Variants in POLR2F observed in about 807,000 individuals in gnomAD.
POLR2F encodes the protein DNA-directed RNA polymerases I, II, and III subunit RPABC2.
POLR2F carries 12 observed loss-of-function variants against 22.7 expected under a neutral mutation model. That is an observed-to-expected ratio of 0.53 (90% CI 0.34 to 0.86). The LOEUF (loss-of-function observed/expected upper bound fraction) is 0.86, where lower values mean the gene tolerates loss of function less well. POLR2F is among the 40% of genes least tolerant of loss of function. The pLI, the probability that POLR2F is intolerant of heterozygous loss-of-function variation, is 0.02. For synonymous variants in POLR2F, 57 were observed against 66.0 expected, an observed-to-expected ratio of 0.86 and a Z score of 0.66; for missense variants, 126 against 171.5, an observed-to-expected ratio of 0.73 and a Z score of 1.48.
Position 37,966,785 on chromosome 22 carries a change from A to G in POLR2F, c.222-314A>G, listed in dbSNP as rs1453521078. The stretch of plus-strand genomic sequence containing the variant: ...TGTCTCCAAAAAGTAGAGAGAGAAA[A>G]TAGAAATTGAAATGAGGTGCACTGG... On this transcript the variant is annotated intron_variant, in intron 3 of 4. Transcript: ENST00000442738. 7.2e-5 allele frequency among the ~76,000 whole-genome samples: 11 copies of G among 152,244 alleles called. No homozygotes were observed. The East Asian group carries it at 9.7e-4, about 13-fold the overall frequency.
chr22:38,037,087 T>C (rs948657570), intron 5 of POLR2F, among the ~76,000 whole-genome samples: 2 of 152,200 alleles, frequency 1.3e-5, no homozygotes, highest in African/African-American at 4.8e-5. Context: ...ACTTGTATAC[T>C]ATGCATCTTC....
At chr22:37,971,884 G>A (rs1353851200), downstream of POLR2F, among the ~76,000 whole-genome samples, 1 of 152,022 alleles carries the variant, frequency 6.6e-6, no homozygotes, top group Admixed American at 6.5e-5. Flanking sequence ...AGTTAAGAGT[G>A]AGTGGCCCCC....
chr22:37,970,340 C>T (rs1601875675), downstream of POLR2F, among the ~76,000 whole-genome samples: 1 of 147,818 alleles, frequency 6.8e-6, no homozygotes, highest in East Asian at 2.0e-4. Context: ...CGGTGGCTTA[C>T]GCCTGTAATC....
chr22:37,983,589 C>T (rs1932470883), upstream of POLR2F: 1 of 1,609,442 alleles, frequency 6.2e-7, no homozygotes, highest in Non-Finnish European at 8.5e-7. This position sits in a 1 kb window ranked among gnomAD's most constrained non-coding sequence, Gnocchi z 9.5. Context: ...GGGAACTTGT[C>T]ATCGTCCGCC....
At chr22:38,025,929 C>T (rs939550771) in exon 2 of POLR2F, 2 of 697,336 alleles carry the variant, frequency 2.9e-6, no homozygotes, top group Non-Finnish European at 5.4e-6. Flanking sequence ...GAGCGCTCAA[C>T]AGATGCTCTG....
rs1181369399 is a variant in POLR2F, at chr22:38,016,652, G to T, written c.121-9217G>T. ...CTCTATTGTGTTCCTGGTTTATCTG[G>T]TTCCTCTTGTTTATGAGCAGGGCTC... On this transcript the variant is annotated intron_variant, in intron 1 of 2. Transcript: ENST00000333418. This position sits in a 1 kb window ranked among gnomAD's most constrained non-coding sequence, Gnocchi z 4.4. Among the ~76,000 whole-genome samples the T allele has an allele frequency of 6.6e-6, 1 of 150,386 alleles. No individual in the cohort carries two copies. Among genetic ancestry groups the T allele is most frequent in the Non-Finnish European group, 1.5e-5 (1 of 67,758 alleles).
chr22:37,989,742 G>GGTT (rs1004976017), intron 1 of POLR2F, among the ~76,000 whole-genome samples: 15 of 152,222 alleles, frequency 9.9e-5, no homozygotes, highest in African/African-American at 3.1e-4. Flanking sequence ...TGGGACCTGT[G>GGTT]GTTGGTCCCA....
At chr22:38,013,682 C>G (rs371086834) in intron 1 of POLR2F, among the ~76,000 whole-genome samples, 3 of 152,310 alleles carry the variant, frequency 2.0e-5, no homozygotes, top group East Asian at 1.9e-4. Context: ...TCACCTCATT[C>G]TCTCTCCACA....
chr22:38,038,784 T>G (rs1428543299), intron 5 of POLR2F, among the ~76,000 whole-genome samples: 1 of 23,718 alleles, frequency 4.2e-5, no homozygotes, highest in Non-Finnish European at 9.2e-5. Flanking sequence ...CCAAACTCCC[T>G]CCTCCCCCCG....
At chr22:37,984,068 C>T (rs760477820), upstream of POLR2F, 9 of 260,688 alleles carry the variant, frequency 3.5e-5, no homozygotes, top group Non-Finnish European at 5.8e-5. The surrounding 1 kb of genome is among the most constrained non-coding windows in gnomAD (Gnocchi z 4.4). Context: ...TCCCAACCGT[C>T]TCTTGGTGTG....
chr22:37,983,746 G>C (rs1228706802), upstream of POLR2F: 1 of 1,486,100 alleles, frequency 6.7e-7, no homozygotes, highest in South Asian at 1.2e-5. The surrounding 1 kb of genome is among the most constrained non-coding windows in gnomAD (Gnocchi z 9.5). Flanking sequence ...AGCCCACGGG[G>C]CTCAGCTCCA....
intron 1 of POLR2F, among the ~76,000 whole-genome samples, chr22:38,012,529 T>C (rs1034199407): frequency 2.6e-5 from 4 of 152,242 alleles, no homozygotes; most frequent in African/African-American, 9.6e-5. Context: ...TTAACATTGG[T>C]AAAATACTAT....
At chr22:37,992,544 A>G (rs963956566) in intron 1 of POLR2F, among the ~76,000 whole-genome samples, 1 of 152,074 alleles carries the variant, frequency 6.6e-6, no homozygotes, top group Non-Finnish European at 1.5e-5. Context: ...ACAAGTGCAC[A>G]TCGCCATGCT....
intron 3 of POLR2F, among the ~76,000 whole-genome samples, chr22:37,960,100 G>A (rs1017953387): frequency 6.6e-6 from 1 of 152,098 alleles, no homozygotes; most frequent in Non-Finnish European, 1.5e-5. Context: ...CACCGCGCCC[G>A]GCCATGGTGG....
chr22:37,986,122 AACAC>A, upstream of POLR2F: 1 of 1,485,716 alleles, frequency 6.7e-7, no homozygotes, highest in Non-Finnish European at 8.9e-7. The surrounding 1 kb of genome is among the most constrained non-coding windows in gnomAD (Gnocchi z 4.7). Context: ...TCATGTGATT[AACAC>A]ACACACACAT....
At chr22:38,025,670 C>T in intron 1 of POLR2F, 1 of 1,557,066 alleles carries the variant, frequency 6.4e-7, no homozygotes, top group Middle Eastern at 1.7e-4. Context: ...CCGCTGACTT[C>T]TCCCGACAGT....
Position 38,031,827 on chromosome 22 carries a change from T to G in POLR2F, c.453-9241T>G, listed in dbSNP as rs547230062. Among the ~76,000 whole-genome samples the G allele has an allele frequency of 6.6e-6, 1 of 152,132 alleles. No individual in the cohort carries two copies. The highest frequency in any genetic ancestry group is 2.1e-4 in the South Asian group (1 of 4,806). The stretch of plus-strand genomic sequence containing the variant: ...TTCTCCAGTGACCCAGGCATGAAGC[T>G]TCGGAGTCATTTTTGACTCATCCAT... On this transcript the variant is annotated intron_variant, in intron 5 of 5. Transcript: ENST00000407936. The surrounding 1 kb of genome is among the most constrained non-coding windows in gnomAD (Gnocchi z 4.1).
chr22:37,954,067 G>A (rs1931249481), intron 1 of POLR2F, among the ~76,000 whole-genome samples: 1 of 152,178 alleles, frequency 6.6e-6, no homozygotes, highest in South Asian at 2.1e-4. Flanking sequence ...CAGCGAGCCG[G>A]GCTCTGTATC....
intron 5 of POLR2F, chr22:38,041,053 T>A: frequency 6.2e-7 from 1 of 1,612,874 alleles, no homozygotes; most frequent in Non-Finnish European, 8.5e-7. Flanking sequence ...TAGTTATCCC[T>A]GTGTTATTTT....
Sources: allele counts gnomAD v4.1 joint callset (sites outside exome capture counted in the v4.1 genomes callset), GRCh38; gene constraint gnomAD v4.1.1; non-coding constraint Gnocchi (gnomAD v3.1); transcripts MANE v1.5; gene names NCBI Gene and HGNC (gene_info 2026-07-23, HGNC 2026-07-21).